The following NPAS3 variants were observed in gnomAD, a reference collection of about 807,000 sequenced individuals.
NPAS3 encodes neuronal PAS domain protein 3, also known as neuronal PAS domain-containing protein 3.
In NPAS3, 14 loss-of-function variants were observed where a neutral mutation model predicts 73.1. That is an observed-to-expected ratio of 0.19 (90% CI 0.13 to 0.30). NPAS3 has a LOEUF of 0.30. NPAS3 is among the 10% of genes least tolerant of loss of function. The pLI is 1.00. For missense variants in NPAS3, 1,096 were observed against 1,250.0 expected, an observed-to-expected ratio of 0.88 and a Z score of 1.86; for synonymous variants, 620 against 541.5, an observed-to-expected ratio of 1.14 and a Z score of -2.01.
Position 33,052,022 on chromosome 14 carries a change from G to A in NPAS3, c.51-3883G>A, listed in dbSNP as rs148762522. On this transcript the variant is annotated intron_variant, in intron 1 of 11. Coordinates refer to ENST00000356141, the Ensembl canonical transcript of NPAS3. Reference sequence around the variant, plus strand: ...GATCCACCCACCTTGGCTTCCCAAAGTGCTGGGATTACAGGTGTGAGCCAC... The same window carrying A: ...GATCCACCCACCTTGGCTTCCCAAAATGCTGGGATTACAGGTGTGAGCCAC... 1.8e-3 allele frequency among the ~76,000 whole-genome samples: 271 copies of A among 152,272 alleles called. 1 individual carries two copies. Among genetic ancestry groups the A allele is most frequent in the African/African-American group, 6.3e-3 (263 of 41,558 alleles).
intron 6 of NPAS3, among the ~76,000 whole-genome samples, chr14:33,700,688 GT>G: frequency 1.3e-5 from 2 of 152,294 alleles, no homozygotes; most frequent in Admixed American, 1.3e-4. Flanking sequence ...CAGTGAGGAT[GT>G]TTTAGCTAGT....
intron 4 of NPAS3, among the ~76,000 whole-genome samples, chr14:33,382,778 CATT>C (rs1486282260): frequency 6.6e-6 from 1 of 152,128 alleles, no homozygotes; most frequent in Non-Finnish European, 1.5e-5. Context: ...ATCATTTTCA[CATT>C]ATCCTGTCAC....
At chr14:33,199,373 C>A (rs1422761616) in intron 2 of NPAS3, among the ~76,000 whole-genome samples, 1 of 152,166 alleles carries the variant, frequency 6.6e-6, no homozygotes, top group Non-Finnish European at 1.5e-5. Flanking sequence ...GTCTAGGATT[C>A]TCTTTTACAA....
intron 5 of NPAS3, among the ~76,000 whole-genome samples, chr14:33,646,332 C>T (rs2058828339): frequency 6.6e-6 from 1 of 152,126 alleles, no homozygotes; most frequent in Non-Finnish European, 1.5e-5. Flanking sequence ...TTACACTTAG[C>T]TTAACCTTTT....
At chr14:33,283,194 C>A (rs537462058) in intron 3 of NPAS3, among the ~76,000 whole-genome samples, 2 of 152,230 alleles carry the variant, frequency 1.3e-5, no homozygotes, top group South Asian at 4.2e-4. Flanking sequence ...AATAGAGAGC[C>A]AGAGAGGATA....
At chr14:33,152,125 G>A (rs972749045) in intron 2 of NPAS3, among the ~76,000 whole-genome samples, 2 of 152,016 alleles carry the variant, frequency 1.3e-5, no homozygotes, top group African/African-American at 2.4e-5. Flanking sequence ...AGTGGGTAGA[G>A]GCCAGAGATG....
intron 6 of NPAS3, among the ~76,000 whole-genome samples, chr14:33,719,693 C>A (rs1328499822): frequency 6.6e-6 from 1 of 152,132 alleles, no homozygotes; most frequent in Non-Finnish European, 1.5e-5. Context: ...TTCTCTTCAA[C>A]GAGTCACCAG....
At chr14:33,089,939 G>A (rs945133080) in intron 2 of NPAS3, among the ~76,000 whole-genome samples, 28 of 152,174 alleles carry the variant, frequency 1.8e-4, no homozygotes, top group Admixed American at 3.3e-4. Context: ...TTTACAGACA[G>A]GCAAATGCTG....
At chr14:33,393,552 C>T (rs1353569529) in intron 4 of NPAS3, among the ~76,000 whole-genome samples, 1 of 152,058 alleles carries the variant, frequency 6.6e-6, no homozygotes, top group African/African-American at 2.4e-5. Flanking sequence ...CTTCACTGTT[C>T]CCAAAAAAGG....
At chr14:33,737,688 G>C (rs1001410932) in intron 7 of NPAS3, among the ~76,000 whole-genome samples, 1 of 152,140 alleles carries the variant, frequency 6.6e-6, no homozygotes, top group Non-Finnish European at 1.5e-5. Flanking sequence ...CTGAAAGTTA[G>C]TGGAAGAGCT....
chr14:33,558,820 G>A (rs978175912), intron 4 of NPAS3, among the ~76,000 whole-genome samples: 1 of 149,858 alleles, frequency 6.7e-6, no homozygotes, highest in Non-Finnish European at 1.5e-5. Flanking sequence ...CTCCTAGCGC[G>A]GGTTTCCTGT....
chr14:33,597,062 T>C (rs895385614), intron 5 of NPAS3, among the ~76,000 whole-genome samples: 1 of 152,202 alleles, frequency 6.6e-6, no homozygotes, highest in African/African-American at 2.4e-5. Flanking sequence ...AAGGCGGTCT[T>C]GTAAATAGGG....
intron 3 of NPAS3, among the ~76,000 whole-genome samples, chr14:33,363,463 A>T (rs1313068544): frequency 6.6e-6 from 1 of 152,232 alleles, no homozygotes; most frequent in Non-Finnish European, 1.5e-5. Context: ...TCATCGGATC[A>T]TTTTGGATTT....
intron 3 of NPAS3, among the ~76,000 whole-genome samples, chr14:33,311,540 G>T (rs1230806820): frequency 6.6e-6 from 1 of 152,026 alleles, no homozygotes; most frequent in Non-Finnish European, 1.5e-5. Flanking sequence ...GATATAGCTG[G>T]TAGATAATTC....
intron 1 of NPAS3, among the ~76,000 whole-genome samples, chr14:32,979,512 C>T (rs1292985306): frequency 3.9e-5 from 6 of 152,186 alleles, no homozygotes; most frequent in African/African-American, 7.2e-5. Flanking sequence ...AAGGTCACAT[C>T]GGTAGTAATA....
intron 3 of NPAS3, among the ~76,000 whole-genome samples, chr14:33,254,961 A>G (rs1266054970): frequency 7.2e-6 from 1 of 138,270 alleles, no homozygotes; most frequent in Non-Finnish European, 1.6e-5. Flanking sequence ...AGGAATTTGT[A>G]AAAAAAAAAA....
chr14:33,643,375 T>A (rs201808666), intron 5 of NPAS3, among the ~76,000 whole-genome samples: 408 of 94,634 alleles, frequency 4.3e-3, no homozygotes, highest in Non-Finnish European at 6.4e-3. Context: ...AAATAAAAAT[T>A]AAAAAAAAAA....
intron 1 of NPAS3, among the ~76,000 whole-genome samples, chr14:32,946,253 C>T (rs1387725240): frequency 6.6e-6 from 1 of 151,954 alleles, no homozygotes. Flanking sequence ...TGCATTCACT[C>T]ATTTAATTAA....
chr14:33,104,535 A>G (rs887893185), intron 2 of NPAS3, among the ~76,000 whole-genome samples: 2 of 152,214 alleles, frequency 1.3e-5, no homozygotes, highest in Non-Finnish European at 2.9e-5. Flanking sequence ...TAGTGAAAAC[A>G]TCTTACATTC....
Sources: allele counts gnomAD v4.1 joint callset (sites outside exome capture counted in the v4.1 genomes callset), GRCh38; gene constraint gnomAD v4.1.1; transcripts MANE v1.5; gene names NCBI Gene and HGNC (gene_info 2026-07-23, HGNC 2026-07-21).